The following NAALADL2 variants were observed in gnomAD, a reference collection of about 807,000 sequenced individuals.
NAALADL2 encodes N-acetylated alpha-linked acidic dipeptidase like 2.
Under a neutral mutation model 87.2 loss-of-function variants are expected in NAALADL2, and 76 were observed. The ratio of observed to expected loss-of-function variants is 0.87; its 90% confidence interval spans 0.72 to 1.05. NAALADL2 has a LOEUF of 1.05. Among genes scored for constraint, NAALADL2 ranks in the 50% least tolerant of loss-of-function variants. The pLI is 0.00. For synonymous variants in NAALADL2, 354 were observed against 331.0 expected, an observed-to-expected ratio of 1.07 and a Z score of -0.75; for missense variants, 1,089 against 945.8, an observed-to-expected ratio of 1.15 and a Z score of -1.99.
intron 13 of NAALADL2, among the ~76,000 whole-genome samples, chr3:175,765,630 G>T (rs1291559794): frequency 6.6e-6 from 1 of 152,012 alleles, no homozygotes; most frequent in East Asian, 1.9e-4. Flanking sequence ...CAGTTTTAAG[G>T]TGTATTCTCA....
chr3:175,471,262 G>A (rs1158878391), intron 8 of NAALADL2, among the ~76,000 whole-genome samples: 2 of 151,816 alleles, frequency 1.3e-5, no homozygotes, highest in Non-Finnish European at 2.9e-5. Flanking sequence ...GAGGCTGGCA[G>A]GTCACGAGGT....
chr3:174,790,222 T>C (rs1025505751), intron 3 of NAALADL2, among the ~76,000 whole-genome samples: 3 of 152,186 alleles, frequency 2.0e-5, no homozygotes, highest in African/African-American at 7.2e-5. Context: ...TCCCTGTTTT[T>C]TGGTTCCTAG....
At chr3:175,242,045 A>G (rs1037392341) in intron 3 of NAALADL2, among the ~76,000 whole-genome samples, 3 of 151,290 alleles carry the variant, frequency 2.0e-5, no homozygotes, top group Admixed American at 2.0e-4. Context: ...TATTTTTAGT[A>G]GAGATGGGGT....
intron 5 of NAALADL2, among the ~76,000 whole-genome samples, chr3:175,340,933 C>T (rs1001849086): frequency 2.0e-5 from 3 of 151,040 alleles, no homozygotes; most frequent in South Asian, 2.1e-4. Flanking sequence ...GAATGAGATT[C>T]GGCTGAGGTG....
chr3:174,936,447 A>G (rs931056267), intron 1 of NAALADL2, among the ~76,000 whole-genome samples: 12 of 152,214 alleles, frequency 7.9e-5, no homozygotes, highest in African/African-American at 2.2e-4. Flanking sequence ...TAATACAGTT[A>G]ATTTTTGAAG....
At chr3:174,799,554 C>T (rs1718562063) in intron 3 of NAALADL2, among the ~76,000 whole-genome samples, 3 of 152,202 alleles carry the variant, frequency 2.0e-5, no homozygotes, top group African/African-American at 4.8e-5. Context: ...TAAAAAGCCA[C>T]ATGGAACTGT....
intron 2 of NAALADL2, among the ~76,000 whole-genome samples, chr3:174,667,931 T>C (rs981972088): frequency 6.6e-6 from 1 of 152,108 alleles, no homozygotes; most frequent in Non-Finnish European, 1.5e-5. Flanking sequence ...TTTACTTTTT[T>C]GAGAAATCTT....
intron 3 of NAALADL2, among the ~76,000 whole-genome samples, chr3:174,835,792 A>G (rs1446505071): frequency 6.6e-6 from 1 of 152,178 alleles, no homozygotes. Context: ...CCAAATCAAA[A>G]CAACCACGAG....
chr3:175,046,546 T>G (rs1754693142), intron 1 of NAALADL2, among the ~76,000 whole-genome samples: 1 of 152,182 alleles, frequency 6.6e-6, no homozygotes, highest in Non-Finnish European at 1.5e-5. Flanking sequence ...TGGCTTTGGA[T>G]TCCTTCTCAG....
chr3:174,461,206 T>A (rs138195561), intron 1 of NAALADL2, among the ~76,000 whole-genome samples: 1 of 152,190 alleles, frequency 6.6e-6, no homozygotes, highest in Non-Finnish European at 1.5e-5. Flanking sequence ...GCATTTTACC[T>A]GAGTTGTATG....
intron 1 of NAALADL2, among the ~76,000 whole-genome samples, chr3:175,024,323 T>C (rs1396009410): frequency 2.0e-5 from 3 of 152,008 alleles, no homozygotes; most frequent in Non-Finnish European, 1.5e-5. Flanking sequence ...ATAAAGCCAA[T>C]GAAACTCAGG....
At chr3:174,765,045 CTAAA>C (rs887191990) in intron 3 of NAALADL2, among the ~76,000 whole-genome samples, 7 of 151,070 alleles carry the variant, frequency 4.6e-5, no homozygotes, top group African/African-American at 9.7e-5. Context: ...CAAAGAGACA[CTAAA>C]TAACCAAGAA....
chr3:175,145,514 AT>A (rs1186830304), intron 2 of NAALADL2, among the ~76,000 whole-genome samples: 6 of 151,792 alleles, frequency 4.0e-5, no homozygotes, highest in African/African-American at 1.2e-4. Context: ...AAGAAAATGT[AT>A]TTTTTTTCTT....
At chr3:175,227,738 C>T (rs1581014143) in intron 2 of NAALADL2, among the ~76,000 whole-genome samples, 3 of 151,950 alleles carry the variant, frequency 2.0e-5, no homozygotes, top group African/African-American at 7.2e-5. Context: ...ATAAATAGAA[C>T]CCTTTGACTA....
At chr3:174,592,236 A>G (rs534318968) in intron 2 of NAALADL2, among the ~76,000 whole-genome samples, 1 of 117,054 alleles carries the variant, frequency 8.5e-6, no homozygotes, top group Admixed American at 9.2e-5. Context: ...TTTTGAAACA[A>G]TTTTTCTTTT....
chr3:175,537,657 C>T (rs1245385083), intron 9 of NAALADL2, among the ~76,000 whole-genome samples: 1 of 152,140 alleles, frequency 6.6e-6, no homozygotes, highest in African/African-American at 2.4e-5. Context: ...GCCAGCTTCC[C>T]AAACTGAAAA....
At chr3:175,776,250 C>T (rs975128050) in intron 13 of NAALADL2, 2 of 152,138 alleles carry the variant, frequency 1.3e-5, no homozygotes, top group Non-Finnish European at 2.9e-5. Context: ...ACTGTCCTCT[C>T]CTCCATTTGA....
chr3:175,348,934 A>G (rs1057416154), intron 5 of NAALADL2, among the ~76,000 whole-genome samples: 4 of 152,188 alleles, frequency 2.6e-5, no homozygotes, highest in African/African-American at 4.8e-5. Flanking sequence ...CCCAGAAGCA[A>G]AAAGAAGAAA....
intron 3 of NAALADL2, among the ~76,000 whole-genome samples, chr3:174,814,376 G>A (rs1720557911): frequency 6.6e-6 from 1 of 152,020 alleles, no homozygotes; most frequent in Non-Finnish European, 1.5e-5. Context: ...CAAAGTGCTG[G>A]GATTACAGGT....
Sources: gnomAD v4.1 joint callset for allele counts (sites outside exome capture counted in the v4.1 genomes callset) on GRCh38, gnomAD v4.1.1 for gene constraint, MANE v1.5 for transcripts, NCBI Gene and HGNC (gene_info 2026-07-23, HGNC 2026-07-21) for gene names.